Variants in TMEM74 observed in about 807,000 individuals in gnomAD.
TMEM74 encodes transmembrane protein 74.
Under a neutral mutation model 18.1 loss-of-function variants are expected in TMEM74, and 13 were observed. The observed-to-expected ratio is 0.72, with a 90% CI of 0.47 to 1.14. The LOEUF (loss-of-function observed/expected upper bound fraction) is 1.14, where lower values mean the gene tolerates loss of function less well. Ranked by LOEUF, TMEM74 falls within the 50% of genes most tolerant of loss-of-function variation. The pLI is 0.00. For synonymous variants in TMEM74, 159 were observed against 146.6 expected, an observed-to-expected ratio of 1.08 and a Z score of -0.61; for missense variants, 372 against 375.9, an observed-to-expected ratio of 0.99 and a Z score of 0.09.
chr8:108,674,323 A>G (rs757017593), intron 1 of TMEM74, among the ~76,000 whole-genome samples: 28 of 152,266 alleles, frequency 1.8e-4, no homozygotes, highest in Admixed American at 3.3e-4. Flanking sequence ...ATCTCTGAAT[A>G]TTAGTGGTGA....
chr8:108,785,025 C>T lies in TMEM74; in HGVS notation c.74G>A (p.Gly25Glu), dbSNP rs760553540. The T allele has an allele frequency of 6.2e-7, 1 of 1,614,034 alleles. No individual in the cohort carries two copies. Among genetic ancestry groups the T allele is most frequent in the Non-Finnish European group, 8.5e-7 (1 of 1,179,988 alleles). The change falls in exon 2 of 2, where the codon GGG becomes GAG. Residue 25 changes from glycine to glutamate, a missense_variant. Coordinates refer to ENST00000297459, the MANE Select transcript of TMEM74 (RefSeq NM_153015.3). ...LCDARDWSSR[G>E]LPGDQADTAA... ...TGTATCTGCCTGGTCACCAGGCAGC[C>T]CTCTTGAACTCCAGTCCCTGGCATC...
rs1234594668 is a variant in TMEM74, at chr8:108,782,448, T to G, written c.*1733A>C. 6.6e-6 allele frequency among the ~76,000 whole-genome samples: 1 copy of G among 152,212 alleles called. No homozygotes were observed. The highest frequency in any genetic ancestry group is 2.4e-5 in the African/African-American group (1 of 41,454). ...ATTTCTCATTTTTACTTAATAATTCTTTCATATGCCCATCCTCTCTTTTTA... is the reference window on the plus strand; with the variant it reads ...ATTTCTCATTTTTACTTAATAATTCGTTCATATGCCCATCCTCTCTTTTTA... On this transcript the variant is annotated 3_prime_UTR_variant, in exon 2 of 2. Coordinates refer to ENST00000297459, the MANE Select transcript of TMEM74 (RefSeq NM_153015.3).
intron 1 of TMEM74, among the ~76,000 whole-genome samples, chr8:108,660,387 T>C (rs1309218078): frequency 1.3e-5 from 2 of 152,194 alleles, no homozygotes; most frequent in African/African-American, 4.8e-5. Flanking sequence ...CTTTGCTGAA[T>C]TGCAAGTTTA....
At chr8:108,687,677 T>C (rs1813184608) in intron 1 of TMEM74, among the ~76,000 whole-genome samples, 1 of 152,104 alleles carries the variant, frequency 6.6e-6, no homozygotes, top group Admixed American at 6.6e-5. Flanking sequence ...AGCCATTAGA[T>C]TCTCATAAAG....
chr8:108,775,159 T>A (rs1008211868), downstream of TMEM74, among the ~76,000 whole-genome samples: 11 of 152,114 alleles, frequency 7.2e-5, no homozygotes, highest in African/African-American at 2.7e-4. Flanking sequence ...ATGCTGAAAC[T>A]CTGTCAGTCA....
intron 1 of TMEM74, among the ~76,000 whole-genome samples, chr8:108,716,895 A>G (rs1813528499): frequency 6.6e-6 from 1 of 152,032 alleles, no homozygotes; most frequent in Admixed American, 6.5e-5. Context: ...ACACTGAAAT[A>G]TTTCAGAGCA....
chr8:108,645,129 TA>T (rs923403980), intron 2 of TMEM74, among the ~76,000 whole-genome samples: 1 of 151,896 alleles, frequency 6.6e-6, no homozygotes, highest in Admixed American at 6.6e-5. Context: ...GTAGATTGGA[TA>T]AAAAAATGTG....
chr8:108,768,314 C>T (rs1037984500), intron 1 of TMEM74, among the ~76,000 whole-genome samples: 1 of 152,048 alleles, frequency 6.6e-6, no homozygotes. Context: ...AATTTATTGC[C>T]TCCTCTTGGT....
intron 1 of TMEM74, among the ~76,000 whole-genome samples, chr8:108,671,481 A>C (rs1041641866): frequency 6.6e-6 from 1 of 152,212 alleles, no homozygotes; most frequent in Non-Finnish European, 1.5e-5. Context: ...AAAGCAGGTG[A>C]CATTAAGGTT....
At position 108,733,580 on chromosome 8, in the gene TMEM74, A is replaced by G. The variant is rs1238306043; in HGVS notation, n.119+53896T>C. On this transcript the variant is annotated intron_variant and non_coding_transcript_variant, in intron 1 of 3. Transcript: ENST00000518838. ...TGATAACAATGTAGTTTACATAAGT[A>G]CACTCATTTGTCAAACTGAACAAAC... Among the ~76,000 whole-genome samples, 4 of 152,202 alleles carry G rather than the reference A, an allele frequency of 2.6e-5. No individual in the cohort carries two copies. In the South Asian group the frequency reaches 8.3e-4, roughly 32 times the overall value.
intron 2 of TMEM74, among the ~76,000 whole-genome samples, chr8:108,631,085 G>A (rs564414729): frequency 6.6e-6 from 1 of 152,080 alleles, no homozygotes; most frequent in African/African-American, 2.4e-5. Context: ...AAGCCACTTG[G>A]ACATGGGAAG....
At chr8:108,702,326 C>T (rs1236990043) in intron 1 of TMEM74, among the ~76,000 whole-genome samples, 5 of 132,486 alleles carry the variant, frequency 3.8e-5, no homozygotes, top group African/African-American at 5.8e-5. Flanking sequence ...GCCCTGGCGA[C>T]GGTGTGAGAC....
intron 1 of TMEM74, among the ~76,000 whole-genome samples, chr8:108,732,722 T>C (rs1017220731): frequency 2.0e-5 from 3 of 151,718 alleles, no homozygotes; most frequent in Non-Finnish European, 4.4e-5. Flanking sequence ...AAAAATTAAT[T>C]TGAAATTGAT....
At chr8:108,715,982 A>G (rs1022177206) in intron 1 of TMEM74, among the ~76,000 whole-genome samples, 2 of 152,124 alleles carry the variant, frequency 1.3e-5, no homozygotes, top group Non-Finnish European at 2.9e-5. Flanking sequence ...AAGAAAGATA[A>G]TAAATCACTA....
intron 1 of TMEM74, among the ~76,000 whole-genome samples, chr8:108,731,931 A>AT (rs1014364287): frequency 6.6e-6 from 1 of 151,796 alleles, no homozygotes; most frequent in Non-Finnish European, 1.5e-5. Context: ...AAAGCCCACC[A>AT]TTTTTTCTCC....
At chr8:108,678,530 A>AT (rs5893929) in intron 1 of TMEM74, among the ~76,000 whole-genome samples, 26,206 of 138,742 alleles carry the variant, frequency 0.19, 2,793 homozygotes, top group East Asian at 0.43. Flanking sequence ...GCACCCAGCT[A>AT]TTTTTTTTTT....
chr8:108,762,510 G>A (rs1586288957), intron 1 of TMEM74, among the ~76,000 whole-genome samples: 4 of 152,170 alleles, frequency 2.6e-5, no homozygotes, highest in Middle Eastern at 6.8e-3. Flanking sequence ...TTTGAACTCA[G>A]CCCCATGGGT....
chr8:108,720,072 A>T (rs1360371835), intron 1 of TMEM74, among the ~76,000 whole-genome samples: 1 of 152,182 alleles, frequency 6.6e-6, no homozygotes, highest in African/African-American at 2.4e-5. Flanking sequence ...AACTTTAGCT[A>T]ATTTTTAACA....
chr8:108,615,818 G>GTTTTTTT (rs1563732679), intron 2 of TMEM74, among the ~76,000 whole-genome samples: 23 of 96,336 alleles, frequency 2.4e-4, no homozygotes, highest in South Asian at 3.0e-4. Flanking sequence ...TTGCATGGGA[G>GTTTTTTT]CTTTTTTTTT....
Sources: gnomAD v4.1 joint callset for allele counts (sites outside exome capture counted in the v4.1 genomes callset) on GRCh38, gnomAD v4.1.1 for gene constraint, MANE v1.5 for transcripts, NCBI Gene and HGNC (gene_info 2026-07-23, HGNC 2026-07-21) for gene names.